The following MSR1 variants were observed in gnomAD, a reference collection of about 807,000 sequenced individuals.
MSR1 encodes macrophage scavenger receptor types I and II.
Under a neutral mutation model 47.2 loss-of-function variants are expected in MSR1, and 53 were observed. That is an observed-to-expected ratio of 1.12 (90% CI 0.90 to 1.41). MSR1 has a LOEUF of 1.41. Among genes scored for constraint, MSR1 ranks in the 40% most tolerant of loss-of-function variants. The pLI, the probability that MSR1 is intolerant of heterozygous loss-of-function variation, is 0.00. For synonymous variants in MSR1, 239 were observed against 185.6 expected (o/e 1.29, Z -2.34); for missense variants, 786 against 546.9 (o/e 1.44, Z -4.36).
rs35205590 is a variant in MSR1, at chr8:16,110,253, T to C, written c.1223-35A>G. 3.4e-3 allele frequency: 5,510 copies of C among 1,610,836 alleles called. 150 individuals are homozygous for C. The African/African-American group carries it at 0.065, about 19-fold the overall frequency. The stretch of plus-strand genomic sequence containing the variant: ...TGAGGTATAACTGCATTAGTAAGTT[T>C]AGAGTTTAGTGTTTCTCTTTGAGTG... On this transcript the variant is annotated intron_variant, in intron 9 of 9. Transcript: ENST00000262101.
intron 1 of MSR1, among the ~76,000 whole-genome samples, chr8:16,181,838 G>A (rs1177175473): frequency 1.3e-5 from 2 of 151,954 alleles, no homozygotes; most frequent in Non-Finnish European, 2.9e-5. Flanking sequence ...TATAGTTTAA[G>A]GCAATTGGAA....
intron 1 of MSR1, among the ~76,000 whole-genome samples, chr8:16,183,722 TG>T (rs1801909427): frequency 2.1e-5 from 3 of 143,010 alleles, no homozygotes; most frequent in Admixed American, 7.3e-5. Flanking sequence ...CATATATATT[TG>T]GCAATTATAT....
At chr8:16,113,601 A>G (rs150753962) in intron 9 of MSR1, among the ~76,000 whole-genome samples, 46 of 152,320 alleles carry the variant, frequency 3.0e-4, no homozygotes, top group South Asian at 1.2e-3. Context: ...GAATCAAAGT[A>G]GAGAAGAATG....
In MSR1 at chr8:16,109,822, A is replaced by G. The variant is rs755241741; in HGVS notation, c.*263T>C. The G allele has an allele frequency of 2.2e-4, 101 of 458,628 alleles. No individual in the cohort carries two copies. Among genetic ancestry groups the G allele is most frequent in the Non-Finnish European group, 1.5e-4 (39 of 256,768 alleles). The allele number at this position is 458,628 out of a possible 1,614,324, so 28.4% of individuals were successfully genotyped here. A position where few individuals can be genotyped will look rare whatever the true frequency, so the allele number is the denominator to read the frequency against. On this transcript the variant is annotated 3_prime_UTR_variant, in exon 10 of 10. Transcript: ENST00000262101. ...CCTTGGCCTTTGTAATCTGGAAGCT[A>G]TAAACTTCAAAATGTTCAATTCAGC...
Position 16,164,192 on chromosome 8 carries a change from T to C in MSR1, c.690A>G (p.Lys230=). The change falls in exon 5 of 10, where the codon AAA becomes AAG. Residue 230 remains lysine, a synonymous_variant. Coordinates refer to ENST00000262101, the MANE Select transcript of MSR1 (RefSeq NM_138715.3). ...YNVSAEIMAM[K]EEQVHLEQEI... ...CCTGTTCCAAATGCACTTGTTCTTC[T>C]TTCATAGCCATAATTTCTGCTGATA... 1 of 1,612,496 alleles carries C rather than the reference T, an allele frequency of 6.2e-7. No individual in the cohort carries two copies. The highest frequency in any genetic ancestry group is 8.5e-7 in the Non-Finnish European group (1 of 1,179,074).
chr8:16,133,240 T>G (rs75736141), intron 8 of MSR1, among the ~76,000 whole-genome samples: 4,441 of 152,250 alleles, frequency 0.029, 205 homozygotes, highest in African/African-American at 0.1. Flanking sequence ...TTTAGTCCAT[T>G]CCTAAAGACC....
chr8:16,185,350 T>C (rs1198418246), intron 1 of MSR1, among the ~76,000 whole-genome samples: 1 of 152,198 alleles, frequency 6.6e-6, no homozygotes, highest in Non-Finnish European at 1.5e-5. Flanking sequence ...CATCAGCTTT[T>C]GTTTTACATA....
At position 16,177,906 on chromosome 8, in the gene MSR1, A is replaced by T. The variant is rs886079764; in HGVS notation, c.83T>A (p.Met28Lys). 22 of 1,613,844 alleles carry T rather than the reference A, an allele frequency of 1.4e-5. No individual in the cohort carries two copies. Among genetic ancestry groups the T allele is most frequent in the Non-Finnish European group, 1.7e-6 (2 of 1,179,910 alleles). ...CTTACTCGGAGGAAGCAAAGCTGTCATTGAGCGAGCATCAAATTTCACAGA... is the reference window on the plus strand; with the variant it reads ...CTTACTCGGAGGAAGCAAAGCTGTCTTTGAGCGAGCATCAAATTTCACAGA... Reference protein sequence around the residue: ...SESVKFDARSMTALLPPNPKN... With the variant: ...SESVKFDARSKTALLPPNPKN... Residue 28 changes from methionine (M) to lysine (K), a missense_variant, in exon 2 of 10, where the codon ATG (methionine) becomes AAG (lysine). Transcript: ENST00000262101.
intron 8 of MSR1, chr8:16,141,073 ATTATTT>A: frequency 1.2e-6 from 2 of 1,611,002 alleles, no homozygotes; most frequent in Non-Finnish European, 8.5e-7. Context: ...GAGGAAATTA[ATTATTT>A]TTAACATATT....
At chr8:16,137,063 A>G (rs572775599) in intron 8 of MSR1, among the ~76,000 whole-genome samples, 2 of 152,252 alleles carry the variant, frequency 1.3e-5, no homozygotes, top group East Asian at 3.9e-4. Flanking sequence ...ACACAATAAA[A>G]AAAGAGAGAC....
At chr8:16,156,392 T>C (rs1416963170) in intron 5 of MSR1, among the ~76,000 whole-genome samples, 1 of 151,868 alleles carries the variant, frequency 6.6e-6, no homozygotes, top group Non-Finnish European at 1.5e-5. Context: ...TGAATAAGTA[T>C]ATTTTGTACA....
intron 1 of MSR1, among the ~76,000 whole-genome samples, chr8:16,192,149 A>AT: frequency 6.6e-6 from 1 of 152,174 alleles, no homozygotes; most frequent in Non-Finnish European, 1.5e-5. Flanking sequence ...TACCCAGCCA[A>AT]TATTTGCTAT....
At chr8:16,144,561 T>A (rs1009335001) in intron 7 of MSR1, among the ~76,000 whole-genome samples, 3 of 152,092 alleles carry the variant, frequency 2.0e-5, no homozygotes, top group Non-Finnish European at 4.4e-5. Flanking sequence ...AAAATAATAA[T>A]AGTAATAATT....
At chr8:16,143,031 C>T (rs756048603) in intron 8 of MSR1, among the ~76,000 whole-genome samples, 4 of 151,990 alleles carry the variant, frequency 2.6e-5, no homozygotes, top group Non-Finnish European at 5.9e-5. Context: ...AACATGAGGT[C>T]GGCAGTAGAT....
At chr8:16,168,238 A>C (rs1028710872) in intron 4 of MSR1, among the ~76,000 whole-genome samples, 1 of 152,222 alleles carries the variant, frequency 6.6e-6, no homozygotes, top group Non-Finnish European at 1.5e-5. Context: ...GTCTATATTC[A>C]ATGGGAAAAA....
intron 8 of MSR1, among the ~76,000 whole-genome samples, chr8:16,138,757 A>G (rs372187562): frequency 8.0e-4 from 122 of 152,264 alleles, no homozygotes; most frequent in African/African-American, 2.9e-3. Context: ...ACTTATCTCT[A>G]GATGTTTGTG....
intron 8 of MSR1, among the ~76,000 whole-genome samples, chr8:16,130,460 T>C (rs537557866): frequency 6.6e-6 from 1 of 152,270 alleles, no homozygotes; most frequent in South Asian, 2.1e-4. Flanking sequence ...ATTAACATGG[T>C]GACAAATTGA....
intron 5 of MSR1, among the ~76,000 whole-genome samples, chr8:16,161,020 T>C (rs888405211): frequency 3.3e-5 from 5 of 149,822 alleles, no homozygotes; most frequent in African/African-American, 7.4e-5. Context: ...TTGTGTGGGT[T>C]TTCTTAAATA....
chr8:16,172,556 C>T lies in MSR1; in HGVS notation c.217+2631G>A, dbSNP rs952041865. ...ATTTTATGGTCTGTGCAACAACCTA[C>T]GGACAGGGTTATATTTGATTCTACA... On this transcript the variant is annotated intron_variant, in intron 3 of 9. Transcript: ENST00000262101. Among the ~76,000 whole-genome samples, 7 of 152,176 alleles carry T rather than the reference C, an allele frequency of 4.6e-5. No homozygotes were observed. The East Asian group carries it at 7.7e-4, about 17-fold the overall frequency.
Sources: allele counts gnomAD v4.1 joint callset (sites outside exome capture counted in the v4.1 genomes callset), GRCh38; gene constraint gnomAD v4.1.1; transcripts MANE v1.5; gene names NCBI Gene and HGNC (gene_info 2026-07-23, HGNC 2026-07-21).